NMNAT2: variants seen among roughly 807,000 people sequenced by gnomAD.
The protein encoded by NMNAT2 is nicotinamide nucleotide adenylyltransferase 2, also known as nicotinamide/nicotinic acid mononucleotide adenylyltransferase 2.
In NMNAT2, 11 loss-of-function variants were observed where a neutral mutation model predicts 41.6. That is an observed-to-expected ratio of 0.26 (90% CI 0.17 to 0.44). The LOEUF is 0.44. NMNAT2 is among the 20% of genes least tolerant of loss of function. The pLI is 1.00. For synonymous variants in NMNAT2, 148 were observed against 151.2 expected, an observed-to-expected ratio of 0.98 and a Z score of 0.16; for missense variants, 288 against 407.7, an observed-to-expected ratio of 0.71 and a Z score of 2.53.
Position 183,263,091 on chromosome 1 carries a change from C to G in NMNAT2, c.652-1788G>C, listed in dbSNP as rs1005911426. 3.3e-5 allele frequency among the ~76,000 whole-genome samples: 5 copies of G among 152,292 alleles called. No individual in the cohort carries two copies. The East Asian group carries it at 9.6e-4, about 29-fold the overall frequency. On this transcript the variant is annotated intron_variant, in intron 8 of 10. Transcript: ENST00000287713. ...GCACATTCTGAATATTTCTGTCCAC[C>G]TTTACCCTGCTTCTCCTACTGCTTA...
intron 1 of NMNAT2, among the ~76,000 whole-genome samples, chr1:183,340,487 C>T (rs1662772573): frequency 6.6e-6 from 1 of 152,110 alleles, no homozygotes; most frequent in African/African-American, 2.4e-5. Flanking sequence ...CCACACCTGG[C>T]TAATTTTTGT....
At chr1:183,331,763 G>A (rs983231070) in intron 1 of NMNAT2, among the ~76,000 whole-genome samples, 7 of 151,788 alleles carry the variant, frequency 4.6e-5, no homozygotes, top group African/African-American at 1.2e-4. Context: ...CCAGCCGCAC[G>A]CCCCACGGTG....
intron 1 of NMNAT2, among the ~76,000 whole-genome samples, chr1:183,349,725 C>T (rs777169410): frequency 1.3e-5 from 2 of 152,146 alleles, no homozygotes; most frequent in Non-Finnish European, 2.9e-5. Context: ...TTCCTATCTG[C>T]GTGGTGTAAG....
intron 1 of NMNAT2, among the ~76,000 whole-genome samples, chr1:183,383,148 G>A (rs899310533): frequency 6.6e-6 from 1 of 152,202 alleles, no homozygotes; most frequent in African/African-American, 2.4e-5. Context: ...CAAGGCTTAT[G>A]GCTTGTACTC....
chr1:183,348,930 A>G (rs980483810), intron 1 of NMNAT2, among the ~76,000 whole-genome samples: 3 of 152,194 alleles, frequency 2.0e-5, no homozygotes, highest in African/African-American at 7.2e-5. Context: ...TAGGAGAGAT[A>G]TGGCACCAGG....
chr1:183,284,372 C>T (rs1661346806), intron 6 of NMNAT2, among the ~76,000 whole-genome samples: 1 of 152,240 alleles, frequency 6.6e-6, no homozygotes, highest in African/African-American at 2.4e-5. Flanking sequence ...GAGCAACATC[C>T]TTACAACCTA....
chr1:183,327,663 T>A (rs145026103), intron 1 of NMNAT2, among the ~76,000 whole-genome samples: 1 of 152,356 alleles, frequency 6.6e-6, no homozygotes, highest in East Asian at 1.9e-4. Flanking sequence ...CAGGGATGTT[T>A]ATTCGCCAGC....
chr1:183,255,555 G>C (rs1660493602), intron 10 of NMNAT2, among the ~76,000 whole-genome samples: 1 of 151,760 alleles, frequency 6.6e-6, no homozygotes. Flanking sequence ...CCATGAGCAT[G>C]AAATACTTTT....
intron 1 of NMNAT2, among the ~76,000 whole-genome samples, chr1:183,389,595 G>A (rs1013877708): frequency 4.6e-5 from 7 of 151,446 alleles, no homozygotes; most frequent in African/African-American, 7.3e-5. Context: ...GATTAGCAGG[G>A]CAGGGGGGCA....
rs1215065038 is a variant in NMNAT2, at chr1:183,353,712, C to A, written c.86-59919G>T. On this transcript the variant is annotated intron_variant, in intron 1 of 10. Transcript: ENST00000287713. ...GTTTTCAAAGTAGCAGTTGACTCAC[C>A]CACGTATTGCTGGATTGCTGGTCTC... Among the ~76,000 whole-genome samples the A allele has an allele frequency of 3.3e-5, 5 of 152,056 alleles. No individual in the cohort carries two copies. The East Asian group carries it at 9.7e-4, about 29-fold the overall frequency.
chr1:183,410,494 C>T (rs1649086426), intron 1 of NMNAT2, among the ~76,000 whole-genome samples: 1 of 152,234 alleles, frequency 6.6e-6, no homozygotes, highest in African/African-American at 2.4e-5. Flanking sequence ...ATTTGGGATG[C>T]AGGTCCAACA....
chr1:183,348,988 A>G (rs1662989833), intron 1 of NMNAT2, among the ~76,000 whole-genome samples: 2 of 152,138 alleles, frequency 1.3e-5, no homozygotes, highest in South Asian at 4.1e-4. Context: ...CACAGCATGG[A>G]CTCGGTGCAC....
At chr1:183,307,711 G>A (rs966708423) in intron 1 of NMNAT2, among the ~76,000 whole-genome samples, 6 of 152,186 alleles carry the variant, frequency 3.9e-5, no homozygotes, top group African/African-American at 1.4e-4. Context: ...CCAAAGTGCT[G>A]AGATTACAGG....
chr1:183,299,254 T>C (rs1661783802), intron 1 of NMNAT2, among the ~76,000 whole-genome samples: 1 of 152,046 alleles, frequency 6.6e-6, no homozygotes, highest in South Asian at 2.1e-4. Flanking sequence ...CACACACTTG[T>C]AATCCCAGCT....
intron 1 of NMNAT2, among the ~76,000 whole-genome samples, chr1:183,412,480 C>A (rs1273249081): frequency 6.6e-6 from 1 of 152,224 alleles, no homozygotes; most frequent in African/African-American, 2.4e-5. Context: ...GCCTTGGCCT[C>A]CCAAAGTGCT....
chr1:183,285,288 G>T (rs1487938133), intron 5 of NMNAT2, among the ~76,000 whole-genome samples: 1 of 152,106 alleles, frequency 6.6e-6, no homozygotes. Flanking sequence ...TTCTTCCCCA[G>T]GTTTGTCCCA....
chr1:183,277,829 C>T (rs1661161136), intron 8 of NMNAT2, among the ~76,000 whole-genome samples: 1 of 152,144 alleles, frequency 6.6e-6, no homozygotes, highest in South Asian at 2.1e-4. Context: ...AGTCACACAG[C>T]AAGTTAATCA....
chr1:183,249,682 C>CGTGTGTGTGTGTGT lies in NMNAT2; in HGVS notation c.*2945_*2958dup, dbSNP rs3841433. 5 of 119,594 alleles carry CGTGTGTGTGTGTGT rather than the reference C, an allele frequency of 4.2e-5. No individual in the cohort carries two copies. Among genetic ancestry groups the CGTGTGTGTGTGTGT allele is most frequent in the South Asian group, 3.1e-4 (1 of 3,260 alleles). The allele number at this position is 119,594 out of a possible 1,614,324, so 7.4% of individuals were successfully genotyped here. ...TTCCCCTAGCAAATGAAGAGTAGGG[C>CGTGTGTGTGTGTGT]GTGTGTGTGTGTGTGTGTGTGTGTG... On this transcript the variant is annotated 3_prime_UTR_variant, in exon 11 of 11. Coordinates refer to ENST00000287713, the MANE Select transcript of NMNAT2 (RefSeq NM_015039.4).
intron 1 of NMNAT2, among the ~76,000 whole-genome samples, chr1:183,314,722 GATA>G (rs1314639477): frequency 6.6e-6 from 1 of 152,214 alleles, no homozygotes; most frequent in Non-Finnish European, 1.5e-5. Flanking sequence ...ACACCTTAAA[GATA>G]ATAATTCACT....
Sources: gnomAD v4.1 joint callset for allele counts (sites outside exome capture counted in the v4.1 genomes callset) on GRCh38, gnomAD v4.1.1 for gene constraint, MANE v1.5 for transcripts, NCBI Gene and HGNC (gene_info 2026-07-23, HGNC 2026-07-21) for gene names.